The following IGF1R variants were observed in gnomAD, a reference collection of about 807,000 sequenced individuals.
IGF1R encodes insulin-like growth factor 1 receptor.
IGF1R carries 44 observed loss-of-function variants against 144.6 expected under a neutral mutation model. The ratio of observed to expected loss-of-function variants is 0.30; its 90% confidence interval spans 0.24 to 0.39. The LOEUF is 0.39. IGF1R is among the 10% of genes least tolerant of loss of function. The pLI is 1.00. For synonymous variants in IGF1R, 795 were observed against 722.8 expected (o/e 1.10, Z -1.60); for missense variants, 1,355 against 1,833.7 (o/e 0.74, Z 4.77).
chr15:98,834,474 CACTT>C (rs1434084668), intron 2 of IGF1R, among the ~76,000 whole-genome samples: 1 of 152,230 alleles, frequency 6.6e-6, no homozygotes, highest in East Asian at 1.9e-4. Flanking sequence ...CTTGCCTTCA[CACTT>C]ACTTCTGTTT....
At chr15:98,811,857 C>T (rs8031655) in intron 2 of IGF1R, among the ~76,000 whole-genome samples, 1,724 of 152,104 alleles carry the variant, frequency 0.011, 40 homozygotes, top group African/African-American at 0.04. Flanking sequence ...GCCCGGGAGG[C>T]GGAGCTTGCA....
chr15:98,651,128 G>GA, intron 1 of IGF1R: 5 of 930,304 alleles, frequency 5.4e-6, no homozygotes, highest in Non-Finnish European at 6.4e-6. Flanking sequence ...GATTAACTTT[G>GA]AAAAAATCAC....
Position 98,960,440 on chromosome 15 carries a change from A to T in IGF1R, c.*2998A>T, listed in dbSNP as rs187491896. The T allele has an allele frequency of 4.3e-6, 1 of 232,452 alleles. No individual in the cohort carries two copies. Among genetic ancestry groups the T allele is most frequent in the Non-Finnish European group, 8.5e-6 (1 of 117,788 alleles). 14.4% of individuals were successfully genotyped at this position (232,452 alleles called of 1,614,324 possible). ...TCCCTGGCTGGTTGTCTTTGGAACA[A>T]ACTGCTTCTGTGCAGATGGAATGAC... On this transcript the variant is annotated 3_prime_UTR_variant, in exon 21 of 21. Coordinates refer to ENST00000650285, the MANE Select transcript of IGF1R (RefSeq NM_000875.5).
intron 2 of IGF1R, among the ~76,000 whole-genome samples, chr15:98,781,905 T>G (rs1365754004): frequency 6.6e-6 from 1 of 152,170 alleles, no homozygotes; most frequent in Non-Finnish European, 1.5e-5. Context: ...AGTCCAACAT[T>G]TCTTGAACTC....
At chr15:98,705,479 C>T (rs747144274) in intron 1 of IGF1R, among the ~76,000 whole-genome samples, 5 of 152,140 alleles carry the variant, frequency 3.3e-5, no homozygotes, top group Non-Finnish European at 7.4e-5. Context: ...AATCTGTTTC[C>T]TCACCTTTAA....
chr15:98,770,356 G>A (rs2055554120), intron 2 of IGF1R, among the ~76,000 whole-genome samples: 1 of 152,284 alleles, frequency 6.6e-6, no homozygotes, highest in Middle Eastern at 3.4e-3. Context: ...CGATGAAGAG[G>A]GGTAGAGAAT....
rs1421738121 is a variant in IGF1R, at chr15:98,935,361, A to G, written c.3232A>G (p.Ile1078Val). 1 of 1,551,576 alleles carries G rather than the reference A, an allele frequency of 6.4e-7. No homozygotes were observed. Among genetic ancestry groups the G allele is most frequent in the Non-Finnish European group, 8.7e-7 (1 of 1,146,918 alleles). The change falls in exon 17 of 21, where the codon ATC (isoleucine) becomes GTC (valine). Residue 1078 changes from isoleucine to valine, a missense_variant. Around this residue, in one of 7 missense-constraint regions of IGF1R, gnomAD observed 10 missense variants for 40.7 expected, o/e 0.25. Coordinates refer to ENST00000650285, the MANE Select transcript of IGF1R (RefSeq NM_000875.5). This position sits in a 1 kb window ranked among gnomAD's most constrained non-coding sequence, Gnocchi z 4.2. ...GTCCCAAGGCCAGCCAACACTGGTC[A>G]TCATGGAACTGATGACACGGGGCGA... ...VVSQGQPTLV[I>V]MELMTRGDLK...
At chr15:98,943,073 T>C (rs2016425000) in intron 19 of IGF1R, 21 bp downstream of exon 19, 1 of 1,613,896 alleles carries the variant, frequency 6.2e-7, no homozygotes, top group Non-Finnish European at 8.5e-7. Context: ...CTTTACTGCA[T>C]TGCCAGCCTG....
At chr15:98,859,339 C>T (rs11852437) in intron 2 of IGF1R, among the ~76,000 whole-genome samples, 12,035 of 152,268 alleles carry the variant, frequency 0.079, 632 homozygotes, top group East Asian at 0.14. Flanking sequence ...GTCTACCTCA[C>T]ACACTTCGCA....
intron 2 of IGF1R, among the ~76,000 whole-genome samples, chr15:98,786,355 T>G (rs2055995544): frequency 6.8e-6 from 1 of 147,564 alleles, no homozygotes. Flanking sequence ...ACTCAGTGGT[T>G]TAATTGTTAA....
intron 2 of IGF1R, among the ~76,000 whole-genome samples, chr15:98,745,172 G>A (rs1239845446): frequency 6.6e-6 from 1 of 152,240 alleles, no homozygotes; most frequent in East Asian, 1.9e-4. Context: ...TAAAGCAACA[G>A]TATCTGTGTA....
chr15:98,724,687 G>A (rs2054318702), intron 2 of IGF1R, among the ~76,000 whole-genome samples: 1 of 152,188 alleles, frequency 6.6e-6, no homozygotes, highest in East Asian at 1.9e-4. Flanking sequence ...TGCCCTTATG[G>A]AACGTGCTCT....
rs964118234 is a variant in IGF1R at position 98,935,831 on chromosome 15, C to G, written c.3297+405C>G. Among the ~76,000 whole-genome samples, 1 of 152,190 alleles carries G rather than the reference C, an allele frequency of 6.6e-6. No individual in the cohort carries two copies. Among genetic ancestry groups the G allele is most frequent in the African/African-American group, 2.4e-5 (1 of 41,440 alleles). Reference sequence around the variant, plus strand: ...CTTGACTCACATCCTCGTATGTGTTCTCTCTCGTTATGTTGTGTTGTGCTG... The same window carrying G: ...CTTGACTCACATCCTCGTATGTGTTGTCTCTCGTTATGTTGTGTTGTGCTG... On this transcript the variant is annotated intron_variant, in intron 17 of 20. Transcript: ENST00000650285. The surrounding 1 kb of genome is among the most constrained non-coding windows in gnomAD (Gnocchi z 4.2).
Position 98,908,684 on chromosome 15 carries a change from G to A in IGF1R, c.1248-1G>A. The A allele has an allele frequency of 1.2e-6, 2 of 1,613,442 alleles. No individual in the cohort carries two copies. Among genetic ancestry groups the A allele is most frequent in the Non-Finnish European group, 1.7e-6 (2 of 1,179,590 alleles). On this transcript the variant is annotated splice_acceptor_variant, in intron 5 of 20. Transcript: ENST00000650285. LOFTEE classifies it high-confidence loss of function. ...GCTAACATCGATTTCTGTGCTTCTA[G>A]GAATTACTCCTTCTACGTCCTCGAC...
In IGF1R at chr15:98,961,910, C is replaced by T. The variant is rs956795290; in HGVS notation, c.*4468C>T. ...CACATTTCAATGGTACGAAAAGTGG[C>T]TTCGTAAAATAGAAGAGCAGTCACT... On this transcript the variant is annotated 3_prime_UTR_variant, in exon 21 of 21. Transcript: ENST00000650285. 1 of 233,226 alleles carries T rather than the reference C, an allele frequency of 4.3e-6. No individual in the cohort carries two copies. Among genetic ancestry groups the T allele is most frequent in the African/African-American group, 2.2e-5 (1 of 45,356 alleles). 14.4% of individuals were successfully genotyped at this position (233,226 alleles called of 1,614,324 possible).
chr15:98,678,165 G>GGT (rs2053094992), intron 1 of IGF1R, among the ~76,000 whole-genome samples: 1 of 152,094 alleles, frequency 6.6e-6, no homozygotes, highest in Admixed American at 6.5e-5. Flanking sequence ...TATTAATTGA[G>GGT]GTAGGAATAG....
intron 2 of IGF1R, among the ~76,000 whole-genome samples, chr15:98,882,383 T>C (rs1290662006): frequency 6.6e-6 from 1 of 152,222 alleles, no homozygotes; most frequent in East Asian, 1.9e-4. Flanking sequence ...TAGCACTTCC[T>C]GGAAAGTAAT....
At chr15:98,717,985 A>G (rs2054161119) in intron 2 of IGF1R, among the ~76,000 whole-genome samples, 1 of 152,030 alleles carries the variant, frequency 6.6e-6, no homozygotes, top group South Asian at 2.1e-4. Flanking sequence ...GTGTTTGTGT[A>G]TGTGCGTACC....
intron 1 of IGF1R, among the ~76,000 whole-genome samples, chr15:98,688,748 G>A (rs1324912683): frequency 1.3e-5 from 2 of 152,122 alleles, no homozygotes; most frequent in Non-Finnish European, 2.9e-5. Context: ...CCCCATAGAT[G>A]GGGTTCAGAG....
Sources: gnomAD v4.1 joint callset for allele counts (sites outside exome capture counted in the v4.1 genomes callset) on GRCh38, gnomAD v4.1.1 for gene constraint, gnomAD v4.1.1 regional missense constraint, Gnocchi (gnomAD v3.1) non-coding constraint, MANE v1.5 for transcripts, NCBI Gene and HGNC (gene_info 2026-07-23, HGNC 2026-07-21) for gene names.